The following ZNF257 variants were observed in gnomAD, a reference collection of about 807,000 sequenced individuals.
ZNF257 encodes bone marrow zinc finger 4.
A neutral mutation model predicts 11.9 loss-of-function variants in ZNF257; 12 were observed. That is an observed-to-expected ratio of 1.01 (90% confidence interval 0.65 to 1.63). The LOEUF (loss-of-function observed/expected upper bound fraction) is 1.63, where lower values mean the gene tolerates loss of function less well. Ranked by LOEUF, ZNF257 falls within the 40% of genes most tolerant of loss-of-function variation. The probability of loss-of-function intolerance (pLI) is 0.00; values close to 1 mark genes in which losing one functional copy is unlikely to be tolerated. For missense variants in ZNF257, 580 were observed against 665.5 expected (o/e 0.87, Z 1.41); for synonymous variants, 183 against 222.7 (o/e 0.82, Z 1.59).
chr19:22,087,961 T>C lies in ZNF257; in HGVS notation c.227-16T>C. Reference sequence around the variant, plus strand: ...GTCTAGTAAGTGGAGTAATTTGTTGTTTTTATTTCTTTTAGTTATGTGTTC... The same window carrying C: ...GTCTAGTAAGTGGAGTAATTTGTTGCTTTTATTTCTTTTAGTTATGTGTTC... On this transcript the variant is annotated splice_polypyrimidine_tract_variant and intron_variant, in intron 3 of 3. Transcript: ENST00000594947. 2 of 1,464,122 alleles carry C rather than the reference T, an allele frequency of 1.4e-6. No individual in the cohort carries two copies. The highest frequency in any genetic ancestry group is 3.4e-5 in the South Asian group (2 of 59,192). The allele number at this position is 1,464,122 out of a possible 1,614,324, so 90.7% of individuals were successfully genotyped here. A position where few individuals can be genotyped will look rare whatever the true frequency, so the allele number is the denominator to read the frequency against.
In ZNF257 at chr19:22,084,015, C is replaced by T. The variant is rs568872352; in HGVS notation, c.227-3962C>T. Among the ~76,000 whole-genome samples, 5 of 151,894 alleles carry T rather than the reference C, an allele frequency of 3.3e-5. No homozygotes were observed. In the South Asian group the frequency reaches 8.3e-4, roughly 25 times the overall value. On this transcript the variant is annotated intron_variant, in intron 3 of 3. Coordinates refer to ENST00000594947, the MANE Select transcript of ZNF257 (RefSeq NM_033468.4). ...ATTAGCTGGGTATGGTGGCAGGTGC[C>T]GGTAATCCTAGCTATTCGGGGGGCC...
intron 1 of ZNF257, among the ~76,000 whole-genome samples, chr19:22,059,683 T>C (rs2021742411): frequency 6.6e-6 from 1 of 150,942 alleles, no homozygotes; most frequent in Non-Finnish European, 1.5e-5. Flanking sequence ...TATTCCATGA[T>C]GCTTATGTAC....
chr19:22,062,062 A>ATTT (rs57092171), intron 1 of ZNF257, among the ~76,000 whole-genome samples: 17,242 of 139,742 alleles, frequency 0.12, 1,236 homozygotes, highest in South Asian at 0.18. Flanking sequence ...TTTGCTGAGG[A>ATTT]TTTTTTTTTT....
intron 1 of ZNF257, among the ~76,000 whole-genome samples, chr19:22,070,770 C>A (rs1224543380): frequency 2.0e-5 from 3 of 151,710 alleles, no homozygotes; most frequent in African/African-American, 7.3e-5. Context: ...GCAACATCAA[C>A]ATTGACAGGG....
At chr19:22,059,643 CTT>C (rs58613357) in intron 1 of ZNF257, among the ~76,000 whole-genome samples, 29,240 of 136,862 alleles carry the variant, frequency 0.21, 3,503 homozygotes, top group African/African-American at 0.34. Flanking sequence ...TGTTTCTTTT[CTT>C]TTTTTTTTTT....
At chr19:22,054,084 T>C (rs2021558764) in intron 1 of ZNF257, among the ~76,000 whole-genome samples, 1 of 151,526 alleles carries the variant, frequency 6.6e-6, no homozygotes, top group Non-Finnish European at 1.5e-5. Flanking sequence ...TCTTTTTTTT[T>C]TTTTTTAAGA....
In ZNF257 at chr19:22,087,856, C is replaced by G. The variant is rs995185398; in HGVS notation, c.227-121C>G. ...TATATGTTTTTGAATAAATTAGAGCCTGTGGTATTTTGCTATGCCATCTTC... is the reference window on the plus strand; with the variant it reads ...TATATGTTTTTGAATAAATTAGAGCGTGTGGTATTTTGCTATGCCATCTTC... On this transcript the variant is annotated intron_variant, in intron 3 of 3. Transcript: ENST00000594947. 4.4e-5 allele frequency: 40 copies of G among 906,754 alleles called. No individual in the cohort carries two copies. The African/African-American group carries it at 5.9e-4, about 13-fold the overall frequency. The allele number at this position is 906,754 out of a possible 1,614,324, so 56.2% of individuals were successfully genotyped here. A position where few individuals can be genotyped will look rare whatever the true frequency, so the allele number is the denominator to read the frequency against.
At chr19:22,078,726 T>G (rs1160949444) in intron 3 of ZNF257, among the ~76,000 whole-genome samples, 1 of 152,018 alleles carries the variant, frequency 6.6e-6, no homozygotes, top group Non-Finnish European at 1.5e-5. Context: ...ATTTAAAATA[T>G]TTTTCATATA....
intron 3 of ZNF257, among the ~76,000 whole-genome samples, chr19:22,078,859 C>T (rs1387856329): frequency 6.9e-6 from 1 of 145,754 alleles, no homozygotes; most frequent in Non-Finnish European, 1.5e-5. Flanking sequence ...ATGGTGCAAT[C>T]TCTGCTCACT....
rs2022157850 is a variant in ZNF257 at position 22,073,561 on chromosome 19, C to T, written c.223C>T (p.Pro75Ser). 3 of 1,610,102 alleles carry T rather than the reference C, an allele frequency of 1.9e-6. No individual in the cohort carries two copies. The highest frequency in any genetic ancestry group is 2.5e-6 in the Non-Finnish European group (3 of 1,178,328). ...MKRHEMVAKP[P>S]VMCSHIAEDL... The stretch of plus-strand genomic sequence containing the variant: ...GAGACATGAGATGGTAGCCAAACCC[C>T]CAGGTAGGTGAGAGTGAAAGCCAGT... The change falls in exon 3 of 4, where the codon CCA becomes TCA. Residue 75 changes from proline (P) to serine (S), a missense_variant. Pro to Ser is a moderately conservative substitution (Grantham distance 74, BLOSUM62 -1). Transcript: ENST00000594947.
rs2022511222 is a variant in ZNF257, at chr19:22,087,900, T to C, written c.227-77T>C. ...CATCTTCCTTATGTAGTATATACAG[T>C]TTTATAGGTTAGATTTGTAAAAAAT... On this transcript the variant is annotated intron_variant, in intron 3 of 3. Transcript: ENST00000594947. The C allele has an allele frequency of 3.7e-6, 5 of 1,334,438 alleles. No homozygotes were observed. The East Asian group carries it at 1.2e-4, about 32-fold the overall frequency. 82.7% of individuals were successfully genotyped at this position (1,334,438 alleles called of 1,614,324 possible). A position where few individuals can be genotyped will look rare whatever the true frequency, so the allele number is the denominator to read the frequency against.
At chr19:22,080,530 C>A (rs2022333554) in intron 3 of ZNF257, among the ~76,000 whole-genome samples, 1 of 152,020 alleles carries the variant, frequency 6.6e-6, no homozygotes, top group South Asian at 2.1e-4. Flanking sequence ...AGACCCTCAC[C>A]AGAAGCAGAT....
chr19:22,086,888 G>GT (rs774067552), intron 3 of ZNF257, among the ~76,000 whole-genome samples: 1 of 150,714 alleles, frequency 6.6e-6, no homozygotes, highest in East Asian at 1.9e-4. Flanking sequence ...TTATATATGT[G>GT]TTTTTTTAAA....
chr19:22,087,558 A>G, intron 3 of ZNF257: 1 of 1,230,384 alleles, frequency 8.1e-7, no homozygotes, highest in Non-Finnish European at 1.0e-6. Flanking sequence ...GAATGAAACC[A>G]GTGTCTTGAA....
chr19:22,082,914 T>A (rs1472407665), intron 3 of ZNF257, among the ~76,000 whole-genome samples: 1 of 152,198 alleles, frequency 6.6e-6, no homozygotes, highest in Non-Finnish European at 1.5e-5. Context: ...AAATCAAATA[T>A]GAATCAGCCA....
intron 1 of ZNF257, 72 bp downstream of exon 1, chr19:22,052,707 C>T: frequency 6.4e-7 from 1 of 1,572,562 alleles, no homozygotes. Flanking sequence ...GTCGCTGTGG[C>T]GGGACTCAGG....
At chr19:22,080,439 C>G (rs1317157915) in intron 3 of ZNF257, among the ~76,000 whole-genome samples, 1 of 152,116 alleles carries the variant, frequency 6.6e-6, no homozygotes, top group Non-Finnish European at 1.5e-5. Context: ...GCTCCTTCAC[C>G]TTACACTTGC....
At chr19:22,062,327 A>G (rs532106516) in intron 1 of ZNF257, among the ~76,000 whole-genome samples, 1 of 150,838 alleles carries the variant, frequency 6.6e-6, no homozygotes, top group Admixed American at 6.6e-5. Flanking sequence ...GGTTTCACCA[A>G]ATTGACCAGG....
At chr19:22,080,882 G>GT (rs1427774796) in intron 3 of ZNF257, among the ~76,000 whole-genome samples, 10 of 122,912 alleles carry the variant, frequency 8.1e-5, no homozygotes, top group South Asian at 3.7e-4. Flanking sequence ...CTATATAGTT[G>GT]GTTTTTTTTT....
Sources: allele counts gnomAD v4.1 joint callset (sites outside exome capture counted in the v4.1 genomes callset), GRCh38; gene constraint gnomAD v4.1.1; transcripts MANE v1.5; gene names NCBI Gene and HGNC (gene_info 2026-07-23, HGNC 2026-07-21).